The following ARRDC5 variants were observed in gnomAD, a reference collection of about 807,000 sequenced individuals.
ARRDC5 encodes the protein arrestin domain-containing protein 5.
A neutral mutation model predicts 13.3 loss-of-function variants in ARRDC5; 12 were observed. That is an observed-to-expected ratio of 0.90 (90% CI 0.58 to 1.46). The LOEUF (loss-of-function observed/expected upper bound fraction) is 1.46. Ranked by LOEUF, ARRDC5 falls within the 40% of genes most tolerant of loss-of-function variation. The pLI is 0.00. For synonymous variants in ARRDC5, 181 were observed against 173.4 expected, an observed-to-expected ratio of 1.04 and a Z score of -0.34; for missense variants, 406 against 418.7, an observed-to-expected ratio of 0.97 and a Z score of 0.26.
chr19:4,909,651 G>C, the ARRDC5 span: 4 of 552,814 alleles, frequency 7.2e-6, no homozygotes, highest in Non-Finnish European at 1.3e-5. Flanking sequence ...GCGGCGACCG[G>C]AGAGGTGAGC....
upstream of ARRDC5, chr19:4,903,051 G>A (rs1428079033): frequency 3.1e-5 from 10 of 323,168 alleles, no homozygotes; most frequent in Non-Finnish European, 5.5e-5. Flanking sequence ...TTTTGAGATG[G>A]AGTCTTACCC....
chr19:4,901,570 T>C (rs891378808), intron 1 of ARRDC5, among the ~76,000 whole-genome samples: 1 of 151,328 alleles, frequency 6.6e-6, no homozygotes, highest in Non-Finnish European at 1.5e-5. Flanking sequence ...GCCGAGATGG[T>C]GCCACTTCAC....
At chr19:4,912,883 C>T in the ARRDC5 span, among the ~76,000 whole-genome samples, 5 of 152,018 alleles carry the variant, frequency 3.3e-5, no homozygotes, top group Admixed American at 2.6e-4. Context: ...CCTCAGCCTC[C>T]CAAGTAGCTA....
At chr19:4,891,891 G>A (rs1419103743) in intron 2 of ARRDC5, among the ~76,000 whole-genome samples, 1 of 149,676 alleles carries the variant, frequency 6.7e-6, no homozygotes, top group African/African-American at 2.5e-5. Context: ...GGAGGTGGAG[G>A]TTGCAGTGAG....
rs71170878 is a variant in ARRDC5 at position 4,898,665 on chromosome 19, C to CTTTTTTTT, written c.254-1797_254-1790dup. Among the ~76,000 whole-genome samples the CTTTTTTTT allele has an allele frequency of 1.0e-4, 13 of 130,596 alleles. 1 individual carries two copies. The highest frequency in any genetic ancestry group is 1.7e-4 in the Admixed American group (2 of 12,084). 85.7% of individuals were successfully genotyped at this position (130,596 alleles called of 152,430 possible). ...GCATAAGCCATCAGGCGGGCTTGGC[C>CTTTTTTTT]TTTTTTTTTTTTTTTGAGACAGGGT... On this transcript the variant is annotated intron_variant, in intron 1 of 2. Coordinates refer to ENST00000650722, the MANE Select transcript of ARRDC5 (RefSeq NM_001080523.3).
chr19:4,914,470 A>G, the ARRDC5 span, among the ~76,000 whole-genome samples: 20 of 152,070 alleles, frequency 1.3e-4, no homozygotes, highest in African/African-American at 4.8e-4. Flanking sequence ...GAGACCCCAG[A>G]GCAGAACAGA....
At chr19:4,911,771 A>G in the ARRDC5 span, among the ~76,000 whole-genome samples, 2 of 151,786 alleles carry the variant, frequency 1.3e-5, no homozygotes, top group Non-Finnish European at 2.9e-5. Flanking sequence ...TTTGTGGGGG[A>G]CTGTGGGACC....
In ARRDC5 at chr19:4,891,229, G is replaced by A. The variant is rs768442198; in HGVS notation, c.804C>T (p.Ser268=). The A allele has an allele frequency of 6.2e-7, 1 of 1,613,898 alleles. No individual in the cohort carries two copies. Among genetic ancestry groups the A allele is most frequent in the Admixed American group, 1.7e-5 (1 of 59,990 alleles). Residue 268 remains serine, a synonymous_variant, in exon 3 of 3, where the codon AGC becomes AGT. Transcript: ENST00000650722. The stretch of plus-strand genomic sequence containing the variant: ...TGTGCATGATCTCACCGTCCTGCGT[G>A]CTGCTGCTCACGGACAGCAGCAACG... ...NLPLLLSVSS[S]TQDGEIMHTR... is the part of the protein sequence containing the mutation.
intron 2 of ARRDC5, among the ~76,000 whole-genome samples, chr19:4,891,988 C>T (rs1482449194): frequency 6.7e-6 from 1 of 149,668 alleles, no homozygotes; most frequent in East Asian, 1.9e-4. Context: ...GCTTTGGGGG[C>T]TCTCCTAGGA....
At chr19:4,914,180 G>T in the ARRDC5 span, among the ~76,000 whole-genome samples, 1 of 152,082 alleles carries the variant, frequency 6.6e-6, no homozygotes, top group Non-Finnish European at 1.5e-5. Context: ...CCGGGCCACA[G>T]AGAGGTGATG....
upstream of ARRDC5, among the ~76,000 whole-genome samples, chr19:4,907,704 C>CTTTTTTTT (rs59867968): frequency 2.1e-5 from 1 of 47,670 alleles, no homozygotes; most frequent in Non-Finnish European, 3.6e-5. Context: ...TTGGCCTGAT[C>CTTTTTTTT]TTTTTTTTTT....
chr19:4,893,914 G>A (rs1463502676), intron 2 of ARRDC5, among the ~76,000 whole-genome samples: 2 of 150,346 alleles, frequency 1.3e-5, no homozygotes, highest in Non-Finnish European at 3.0e-5. Flanking sequence ...CAGGCGTGGT[G>A]GTGGGCACCT....
rs374735836 is a variant in ARRDC5, at chr19:4,899,183, G to T, written c.254-2307C>A. Reference sequence around the variant, plus strand: ...AAAAATTAGCTGGGCGTGGTGGCGGGTGCCTGTAGTCCCAGCTACTCGGGA... The same window carrying T: ...AAAAATTAGCTGGGCGTGGTGGCGGTTGCCTGTAGTCCCAGCTACTCGGGA... On this transcript the variant is annotated intron_variant, in intron 1 of 2. Transcript: ENST00000650722. 1.9e-4 allele frequency among the ~76,000 whole-genome samples: 29 copies of T among 151,924 alleles called. No homozygotes were observed. The South Asian group carries it at 6.0e-3, about 32-fold the overall frequency.
upstream of ARRDC5, among the ~76,000 whole-genome samples, chr19:4,904,753 G>A (rs1257222382): frequency 6.6e-6 from 1 of 152,224 alleles, no homozygotes; most frequent in African/African-American, 2.4e-5. Context: ...AGTGGGTGTG[G>A]GGGGTGGAAT....
At chr19:4,913,778 T>C in the ARRDC5 span, among the ~76,000 whole-genome samples, 1 of 151,288 alleles carries the variant, frequency 6.6e-6, no homozygotes, top group African/African-American at 2.4e-5. Flanking sequence ...CTTAGTTCCC[T>C]TACCCTGTGG....
At chr19:4,902,188 C>CCCACCT (rs1321607599) in intron 1 of ARRDC5, among the ~76,000 whole-genome samples, 3 of 151,232 alleles carry the variant, frequency 2.0e-5, no homozygotes, top group Non-Finnish European at 4.4e-5. Context: ...CTGTGCCTGG[C>CCCACCT]CCACCTCCAC....
At chr19:4,911,263 G>A in the ARRDC5 span, among the ~76,000 whole-genome samples, 2 of 152,248 alleles carry the variant, frequency 1.3e-5, no homozygotes, top group South Asian at 2.1e-4. Context: ...GCTGGCCCTC[G>A]AATCTATAGG....
chr19:4,894,483 C>A (rs2031634662), intron 2 of ARRDC5, among the ~76,000 whole-genome samples: 1 of 120,888 alleles, frequency 8.3e-6, no homozygotes, highest in East Asian at 2.2e-4. Flanking sequence ...TGCACTCCAG[C>A]CTGGGCGACA....
rs74178457 is a variant in ARRDC5, at chr19:4,894,734, G to A, written c.459+1937C>T. On this transcript the variant is annotated intron_variant, in intron 2 of 2. Coordinates refer to ENST00000650722, the MANE Select transcript of ARRDC5 (RefSeq NM_001080523.3). Reference sequence around the variant, plus strand: ...AAGGAGAAGGAGAAGAAGAAGAAGAGGAAGAGGAAGAGGAAGAGGAAGAAG... The same window carrying A: ...AAGGAGAAGGAGAAGAAGAAGAAGAAGAAGAGGAAGAGGAAGAGGAAGAAG... 4.3e-3 allele frequency among the ~76,000 whole-genome samples: 390 copies of A among 91,260 alleles called. 1 individual carries two copies. The highest frequency in any genetic ancestry group is 7.4e-3 in the Non-Finnish European group (300 of 40,578). The allele number at this position is 91,260 out of a possible 152,430, so 59.9% of individuals were successfully genotyped here.
Sources: gnomAD v4.1 joint callset for allele counts (sites outside exome capture counted in the v4.1 genomes callset) on GRCh38, gnomAD v4.1.1 for gene constraint, MANE v1.5 for transcripts, NCBI Gene and HGNC (gene_info 2026-07-23, HGNC 2026-07-21) for gene names.